APBA1: variants seen among roughly 807,000 people sequenced by gnomAD.
APBA1 encodes the protein amyloid-beta A4 precursor protein-binding family A member 1.
Under a neutral mutation model 86.6 loss-of-function variants are expected in APBA1, and 55 were observed. The ratio of observed to expected loss-of-function variants is 0.64; its 90% CI spans 0.51 to 0.80. The LOEUF (loss-of-function observed/expected upper bound fraction) is 0.80. APBA1 is among the 30% of genes least tolerant of loss of function. APBA1 has a pLI of 0.00. For missense variants in APBA1, 1,090 were observed against 1,183.0 expected (o/e 0.92, Z 1.15); for synonymous variants, 511 against 493.9 (o/e 1.03, Z -0.46).
intron 2 of APBA1, among the ~76,000 whole-genome samples, chr9:69,506,322 A>G (rs1588327730): frequency 6.8e-6 from 1 of 146,960 alleles, no homozygotes; most frequent in African/African-American, 2.5e-5. Flanking sequence ...CACCTGGAAA[A>G]TCGGGTCACT....
At chr9:69,553,973 AC>A (rs1811971871) in intron 1 of APBA1, among the ~76,000 whole-genome samples, 1 of 151,898 alleles carries the variant, frequency 6.6e-6, no homozygotes, top group South Asian at 2.1e-4. Flanking sequence ...AACAACAGAG[AC>A]CCCCTTGAGC....
At chr9:69,515,764 G>T (rs1278858090) in intron 2 of APBA1, among the ~76,000 whole-genome samples, 2 of 151,376 alleles carry the variant, frequency 1.3e-5, no homozygotes, top group African/African-American at 4.9e-5. Context: ...CAGGCACAGT[G>T]TGGGAAGCAC....
intron 1 of APBA1, among the ~76,000 whole-genome samples, chr9:69,547,732 C>T (rs1377558337): frequency 1.3e-5 from 2 of 152,232 alleles, no homozygotes; most frequent in Non-Finnish European, 2.9e-5. Context: ...GCCCCACTGC[C>T]TTGGCCAGTG....
At chr9:69,553,802 C>A (rs570991824) in intron 1 of APBA1, among the ~76,000 whole-genome samples, 15 of 152,296 alleles carry the variant, frequency 9.8e-5, no homozygotes, top group African/African-American at 3.6e-4. Context: ...ATAGAATATA[C>A]CTTTCTCACA....
intron 1 of APBA1, among the ~76,000 whole-genome samples, chr9:69,599,311 GT>G (rs1822301222): frequency 6.6e-6 from 1 of 152,194 alleles, no homozygotes; most frequent in Admixed American, 6.5e-5. Flanking sequence ...AAGTGTTTTA[GT>G]CATTGCCTTT....
intron 1 of APBA1, among the ~76,000 whole-genome samples, chr9:69,646,383 T>C (rs77125572): frequency 0.028 from 4,333 of 152,340 alleles, 86 homozygotes; most frequent in Non-Finnish European, 0.042. Flanking sequence ...TGTTTTCTTC[T>C]GTAATTGTGC....
chr9:69,582,627 C>T (rs1229445217), intron 1 of APBA1, among the ~76,000 whole-genome samples: 1 of 152,154 alleles, frequency 6.6e-6, no homozygotes, highest in African/African-American at 2.4e-5. Flanking sequence ...CCTTTGGCAT[C>T]CTCTCTGCTT....
chr9:69,588,084 G>C (rs1378561726), intron 1 of APBA1, among the ~76,000 whole-genome samples: 1 of 151,674 alleles, frequency 6.6e-6, no homozygotes, highest in Non-Finnish European at 1.5e-5. Flanking sequence ...TGAGGTAGGT[G>C]AAAGAAGCAG....
At chr9:69,500,521 ACT>A (rs1835865328) in intron 2 of APBA1, among the ~76,000 whole-genome samples, 1 of 152,092 alleles carries the variant, frequency 6.6e-6, no homozygotes, top group Admixed American at 6.5e-5. Context: ...TACGATGGAC[ACT>A]CTGAGCAGCG....
rs139217770 is a variant in APBA1, at chr9:69,474,051, CTGAGATGAA to C, written c.1296+1988_1296+1996del. ...GTTAGCCCTTTATTTCACATGTGGA[CTGAGATGAA>C]CATCAGTTGATCCTTAACTTTCAAG... On this transcript the variant is annotated intron_variant, in intron 3 of 12. Transcript: ENST00000265381. 3.4e-3 allele frequency among the ~76,000 whole-genome samples: 523 copies of C among 152,254 alleles called. 3 individuals are homozygous for C. The highest frequency in any genetic ancestry group is 0.012 in the African/African-American group (503 of 41,536).
intron 1 of APBA1, among the ~76,000 whole-genome samples, chr9:69,534,145 T>C (rs1329111628): frequency 6.6e-6 from 1 of 152,170 alleles, no homozygotes; most frequent in Non-Finnish European, 1.5e-5. Flanking sequence ...TAAAGAACAC[T>C]TGAATTTCCA....
chr9:69,434,109 T>C (rs905860928), intron 11 of APBA1, among the ~76,000 whole-genome samples: 3 of 152,234 alleles, frequency 2.0e-5, no homozygotes, highest in African/African-American at 7.2e-5. Flanking sequence ...ACCAAACTGT[T>C]CGAGTCCCAA....
rs1026079398 is a variant in APBA1 at position 69,428,904 on chromosome 9, T to C, written c.*2423A>G. On this transcript the variant is annotated 3_prime_UTR_variant, in exon 13 of 13. Transcript: ENST00000265381. ...ACAAAAGAATGTGGCAGAGAAATCT[T>C]CTCACTCTAATGTTACAATGTCAGT... The C allele has an allele frequency of 6.6e-6, 1 of 152,224 alleles. No individual in the cohort carries two copies. Among genetic ancestry groups the C allele is most frequent in the African/African-American group, 2.4e-5 (1 of 41,468 alleles). The allele number at this position is 152,224 out of a possible 1,614,324, so 9.4% of individuals were successfully genotyped here.
At chr9:69,562,746 T>C (rs1836966483) in intron 1 of APBA1, among the ~76,000 whole-genome samples, 2 of 152,100 alleles carry the variant, frequency 1.3e-5, no homozygotes, top group Admixed American at 6.6e-5. Context: ...AAACCAACAA[T>C]ACATTATGTA....
At position 69,516,787 on chromosome 9, in the gene APBA1, G is replaced by A. The variant is rs1227435953; in HGVS notation, c.424C>T (p.His142Tyr). ...AGGTGGTTGGGCAGCGCGCGGCGGTGCGTGGCCTCGGCGTGCTCGGCCTCT... is the reference window on the plus strand; with the variant it reads ...AGGTGGTTGGGCAGCGCGCGGCGGTACGTGGCCTCGGCGTGCTCGGCCTCT... ...QAEAEHAEAT[H>Y]RRALPNHLHF... Residue 142 changes from histidine to tyrosine, a missense_variant, in exon 2 of 13, where the codon CAC becomes TAC. Physicochemically the swap from His to Tyr is moderately conservative, Grantham distance 83. This residue lies in a region of APBA1 where 678 missense variants were observed against 647.1 expected (regional missense o/e 1.05). Transcript: ENST00000265381. This position sits in a 1 kb window ranked among gnomAD's most constrained non-coding sequence, Gnocchi z 7.3. The A allele has an allele frequency of 4.3e-6, 7 of 1,610,412 alleles. No individual in the cohort carries two copies. Among genetic ancestry groups the A allele is most frequent in the Non-Finnish European group, 5.1e-6 (6 of 1,179,496 alleles).
chr9:69,453,010 G>A (rs1169513471), intron 8 of APBA1, among the ~76,000 whole-genome samples: 6 of 152,176 alleles, frequency 3.9e-5, no homozygotes, highest in African/African-American at 1.2e-4. Flanking sequence ...TGCACACTGC[G>A]TTCTCCTACA....
At chr9:69,533,280 A>T (rs1836460663) in intron 1 of APBA1, among the ~76,000 whole-genome samples, 1 of 152,160 alleles carries the variant, frequency 6.6e-6, no homozygotes, top group Admixed American at 6.5e-5. Flanking sequence ...AGAACAGTAG[A>T]TTGGGGACTG....
At chr9:69,579,818 A>C (rs890846109) in intron 1 of APBA1, among the ~76,000 whole-genome samples, 17 of 152,220 alleles carry the variant, frequency 1.1e-4, no homozygotes, top group Non-Finnish European at 2.4e-4. Flanking sequence ...AAAAGAGAAA[A>C]GCCAATTTGG....
intron 1 of APBA1, among the ~76,000 whole-genome samples, chr9:69,586,883 A>C (rs1349381199): frequency 6.6e-6 from 1 of 152,248 alleles, no homozygotes; most frequent in Non-Finnish European, 1.5e-5. Context: ...TCAACAAAAA[A>C]ATTCAGCCTA....
Sources: gnomAD v4.1 joint callset for allele counts (sites outside exome capture counted in the v4.1 genomes callset) on GRCh38, gnomAD v4.1.1 for gene constraint, gnomAD v4.1.1 regional missense constraint, Gnocchi (gnomAD v3.1) non-coding constraint, MANE v1.5 for transcripts, NCBI Gene and HGNC (gene_info 2026-07-23, HGNC 2026-07-21) for gene names.